The following DLG2 variants were observed in gnomAD, a reference collection of about 807,000 sequenced individuals.
DLG2 encodes the protein disks large homolog 2.
In DLG2, 45 loss-of-function variants were observed where a neutral mutation model predicts 132.5. That is an observed-to-expected ratio of 0.34 (90% CI 0.27 to 0.44). DLG2 has a LOEUF of 0.44. Ranked by LOEUF, DLG2 falls within the 20% of genes least tolerant of loss-of-function variation. DLG2 has a pLI of 1.00. For missense variants in DLG2, 1,045 were observed against 1,196.9 expected (o/e 0.87, Z 1.87); for synonymous variants, 424 against 419.6 (o/e 1.01, Z -0.13).
chr11:85,144,328 G>A (rs564489937), intron 5 of DLG2, among the ~76,000 whole-genome samples: 84 of 143,812 alleles, frequency 5.8e-4, no homozygotes, highest in African/African-American at 1.9e-3. Flanking sequence ...AGTGAGTTTT[G>A]TAGGCAGCAT....
intron 7 of DLG2, among the ~76,000 whole-genome samples, chr11:84,331,089 C>G (rs970226325): frequency 6.6e-6 from 1 of 152,174 alleles, no homozygotes; most frequent in Non-Finnish European, 1.5e-5. Context: ...TTTTCTCATA[C>G]AAGTCCAGAA....
chr11:84,971,686 G>C (rs2054116433), intron 6 of DLG2, among the ~76,000 whole-genome samples: 1 of 151,916 alleles, frequency 6.6e-6, no homozygotes, highest in Admixed American at 6.6e-5. Flanking sequence ...TAGTTTAAAA[G>C]GGTAATTCTT....
rs551495508 is a variant in DLG2, at chr11:85,111,707, T to C, written c.311A>G (p.Asn104Ser). 1.5e-5 allele frequency: 24 copies of C among 1,562,726 alleles called. No homozygotes were observed. The African/African-American group carries it at 1.9e-4, about 12-fold the overall frequency. ...TQNQGRCPAQNCSVEAPAWMP... is the reference protein window; with the variant it reads ...TQNQGRCPAQSCSVEAPAWMP... ...CCAAGCAGGGGCTTCCACTGAACAA[T>C]TCTGGGCTGGGCATCTGCCTTGGTT... Residue 104 changes from asparagine to serine, a missense_variant, in exon 6 of 28, where the codon AAT becomes AGT. Physicochemically the swap from Asn to Ser is conservative, Grantham distance 46. This residue lies in a region of DLG2 where 277 missense variants were observed against 238.2 expected (regional missense o/e 1.16). Transcript: ENST00000376104.
At chr11:83,860,982 T>C (rs1018961334) in intron 16 of DLG2, among the ~76,000 whole-genome samples, 1 of 152,206 alleles carries the variant, frequency 6.6e-6, no homozygotes, top group African/African-American at 2.4e-5. Context: ...CCTTCCACCA[T>C]GATTGTGAGG....
At chr11:83,852,324 T>G (rs1042275433) in intron 16 of DLG2, among the ~76,000 whole-genome samples, 1 of 152,216 alleles carries the variant, frequency 6.6e-6, no homozygotes, top group Non-Finnish European at 1.5e-5. Context: ...CTATGACCTG[T>G]CACTTCAGAA....
intron 18 of DLG2, among the ~76,000 whole-genome samples, chr11:83,768,336 T>C (rs1356877479): frequency 2.6e-5 from 4 of 152,216 alleles, no homozygotes; most frequent in African/African-American, 7.2e-5. Flanking sequence ...ATTAGATGCT[T>C]TAGAGTAGGG....
intron 9 of DLG2, among the ~76,000 whole-genome samples, chr11:84,119,180 A>T (rs1321397799): frequency 6.6e-6 from 1 of 152,148 alleles, no homozygotes; most frequent in Non-Finnish European, 1.5e-5. Context: ...GTTGAAAACG[A>T]CAGCTTCTTC....
intron 6 of DLG2, among the ~76,000 whole-genome samples, chr11:84,978,357 C>A (rs1315235242): frequency 6.6e-6 from 1 of 152,162 alleles, no homozygotes; most frequent in Non-Finnish European, 1.5e-5. Flanking sequence ...CCAAGACAAT[C>A]CTAAGCCAAA....
rs115731215 is a variant in DLG2, at chr11:84,271,380, G to A, written c.520-20089C>T. On this transcript the variant is annotated intron_variant, in intron 7 of 27. Transcript: ENST00000376104. ...AAAGACAGAGTAGCCCACGAATTAT[G>A]AGAATTGAATCCAAGGTTAACTGGA... Among the ~76,000 whole-genome samples the A allele has an allele frequency of 2.6e-3, 397 of 152,270 alleles. 1 individual carries two copies. The highest frequency in any genetic ancestry group is 9.0e-3 in the African/African-American group (376 of 41,556).
chr11:85,469,100 A>T (rs1219587568), intron 3 of DLG2, among the ~76,000 whole-genome samples: 1 of 152,228 alleles, frequency 6.6e-6, no homozygotes, highest in Non-Finnish European at 1.5e-5. Flanking sequence ...GTCAAGAACC[A>T]TGAAAGTATT....
chr11:83,931,067 A>G lies in DLG2; in HGVS notation c.1341-584T>C, dbSNP rs546386782. On this transcript the variant is annotated intron_variant, in intron 14 of 27. Transcript: ENST00000376104. ...TCTTATATAAATAGGACCTAATATT[A>G]ACAGATATACTCCTACAAAATTTAA... is the stretch of plus-strand genomic sequence containing the variant. Among the ~76,000 whole-genome samples, 4 of 152,362 alleles carry G rather than the reference A, an allele frequency of 2.6e-5. No individual in the cohort carries two copies. In the South Asian group the frequency reaches 8.3e-4, roughly 32 times the overall value.
chr11:83,710,405 A>T (rs2085129650), intron 18 of DLG2, among the ~76,000 whole-genome samples: 1 of 151,798 alleles, frequency 6.6e-6, no homozygotes, highest in East Asian at 1.9e-4. Flanking sequence ...CAAGTGATCC[A>T]CCCCCGCTCA....
intron 21 of DLG2, among the ~76,000 whole-genome samples, chr11:83,493,627 A>AT (rs1254675782): frequency 6.6e-6 from 1 of 151,812 alleles, no homozygotes; most frequent in Admixed American, 6.6e-5. Flanking sequence ...ATTGCTCTCT[A>AT]TTTTTTATCT....
At chr11:83,989,569 G>T (rs1317004359) in intron 11 of DLG2, among the ~76,000 whole-genome samples, 3 of 152,074 alleles carry the variant, frequency 2.0e-5, no homozygotes, top group African/African-American at 7.2e-5. Flanking sequence ...TTAGCATTTG[G>T]ACTGGGTCTT....
At chr11:84,480,973 A>G (rs1173259337) in intron 7 of DLG2, among the ~76,000 whole-genome samples, 2 of 151,906 alleles carry the variant, frequency 1.3e-5, no homozygotes, top group Admixed American at 6.6e-5. Context: ...TCCTTACCTC[A>G]GGTGGTCTGC....
intron 6 of DLG2, among the ~76,000 whole-genome samples, chr11:84,620,238 T>A (rs1231910223): frequency 2.0e-5 from 3 of 151,796 alleles, no homozygotes; most frequent in Non-Finnish European, 4.4e-5. Flanking sequence ...AAGAAAGAAG[T>A]GTTATTCAAC....
chr11:84,048,580 C>T (rs1472364350), intron 11 of DLG2, among the ~76,000 whole-genome samples: 2 of 151,580 alleles, frequency 1.3e-5, no homozygotes, highest in Non-Finnish European at 3.0e-5. Context: ...GACATTTTTG[C>T]ACATGCATTA....
chr11:83,548,290 G>T (rs1320036081), intron 19 of DLG2, among the ~76,000 whole-genome samples: 1 of 152,138 alleles, frequency 6.6e-6, no homozygotes, highest in Non-Finnish European at 1.5e-5. Flanking sequence ...GTCTTGAGAT[G>T]GGGAGACTAT....
intron 2 of DLG2, among the ~76,000 whole-genome samples, chr11:85,612,654 G>T (rs1458641420): frequency 6.6e-6 from 1 of 152,168 alleles, no homozygotes. Context: ...AGTTTACAGT[G>T]TAACATATAT....
Sources: allele counts gnomAD v4.1 joint callset (sites outside exome capture counted in the v4.1 genomes callset), GRCh38; gene constraint gnomAD v4.1.1; regional missense constraint gnomAD v4.1.1; transcripts MANE v1.5; gene names NCBI Gene and HGNC (gene_info 2026-07-23, HGNC 2026-07-21).